Variants in CTSB observed in about 807,000 individuals in gnomAD.
The protein encoded by CTSB is APP secretase.
CTSB carries 57 observed loss-of-function variants against 44.3 expected under a neutral mutation model. The ratio of observed to expected loss-of-function variants is 1.29; its 90% CI spans 1.04 to 1.60. The LOEUF (loss-of-function observed/expected upper bound fraction) is 1.60, where lower values mean the gene tolerates loss of function less well. CTSB is among the 40% of genes most tolerant of loss of function. CTSB has a pLI of 0.00. For missense variants in CTSB, 768 were observed against 443.0 expected, an observed-to-expected ratio of 1.73 and a Z score of -6.59; for synonymous variants, 320 against 168.0, an observed-to-expected ratio of 1.91 and a Z score of -7.00.
At chr8:11,866,604 C>A (rs1474368468) in intron 1 of CTSB, among the ~76,000 whole-genome samples, 1 of 152,156 alleles carries the variant, frequency 6.6e-6, no homozygotes, top group Non-Finnish European at 1.5e-5. Context: ...CTTGGCCAGG[C>A]ACCGTGACTC....
At chr8:11,853,173 G>C (rs1397357271) in intron 2 of CTSB, among the ~76,000 whole-genome samples, 156 bp downstream of exon 2, 2 of 151,876 alleles carry the variant, frequency 1.3e-5, no homozygotes, top group South Asian at 4.2e-4. Context: ...GGGAGGCGTG[G>C]TCCAGAGCCG....
chr8:11,847,766 G>A lies in CTSB; in HGVS notation c.589C>T (p.Pro197Ser), dbSNP rs769238488. The change falls in exon 7 of 10, where the codon CCA becomes TCA. Residue 197 changes from proline (P) to serine (S), a missense_variant. Coordinates refer to ENST00000353047, the MANE Select transcript of CTSB (RefSeq NM_001908.5). ...CEHHVNGSRP[P>S]CTGEGDTPKC... is the part of the protein sequence containing the mutation. ...GGGGTATCTCCCTCCCCCGTGCATG[G>A]GGGCCGGGAGCCGTTGACGTGGTGC... The A allele has an allele frequency of 1.9e-6, 3 of 1,600,570 alleles. No individual in the cohort carries two copies. The highest frequency in any genetic ancestry group is 1.7e-6 in the Non-Finnish European group (2 of 1,176,080).
chr8:11,846,761 CCA>C (rs1311672557), intron 8 of CTSB, among the ~76,000 whole-genome samples: 1 of 152,204 alleles, frequency 6.6e-6, no homozygotes, highest in East Asian at 1.9e-4. Context: ...GGGGGCGTTC[CCA>C]CAGAGAACAT....
chr8:11,866,071 A>G (rs1016529853), intron 1 of CTSB, among the ~76,000 whole-genome samples: 40 of 152,038 alleles, frequency 2.6e-4, no homozygotes, highest in Non-Finnish European at 5.0e-4. Context: ...AAAATCACTG[A>G]CAGACATCCC....
chr8:11,863,450 TCC>T (rs1816701967), intron 1 of CTSB, among the ~76,000 whole-genome samples: 1 of 150,644 alleles, frequency 6.6e-6, no homozygotes, highest in African/African-American at 2.4e-5. Context: ...ACAGTGAGAC[TCC>T]GTTTCAAAAA....
At chr8:11,848,267 A>T in intron 5 of CTSB, 115 bp from the exon 6 acceptor site, 1 of 880,430 alleles carries the variant, frequency 1.1e-6, no homozygotes, top group Non-Finnish European at 1.9e-6. Context: ...AGCTGCAGCA[A>T]GTGGTGCGAG....
intron 6 of CTSB, 26 bp from the exon 7 acceptor site, chr8:11,847,848 G>A (rs578192124): frequency 6.3e-7 from 1 of 1,580,008 alleles, no homozygotes; most frequent in South Asian, 1.2e-5. Flanking sequence ...AGAAAGCGGA[G>A]TCAACCTACA....
In CTSB at chr8:11,843,464, G is replaced by T. The variant is rs539695243; in HGVS notation, c.*1661C>A. ...TGGCAGGACAGTGGAATGATTGCTG[G>T]TTCTTCTAGTTTGCTCTATACCAAG... On this transcript the variant is annotated 3_prime_UTR_variant, in exon 10 of 10. Transcript: ENST00000353047. 1 of 152,204 alleles carries T rather than the reference G, an allele frequency of 6.6e-6. No individual in the cohort carries two copies. Among genetic ancestry groups the T allele is most frequent in the Non-Finnish European group, 1.5e-5 (1 of 68,058 alleles). The allele number at this position is 152,204 out of a possible 1,614,324, so 9.4% of individuals were successfully genotyped here.
At chr8:11,862,945 C>G (rs139241844) in intron 1 of CTSB, among the ~76,000 whole-genome samples, 4 of 152,334 alleles carry the variant, frequency 2.6e-5, no homozygotes, top group Non-Finnish European at 5.9e-5. Flanking sequence ...AAAGAAGTTA[C>G]TGGCCTGGTA....
At chr8:11,865,702 A>G (rs542231026) in intron 1 of CTSB, 2 of 151,736 alleles carry the variant, frequency 1.3e-5, no homozygotes, top group East Asian at 3.9e-4. Context: ...ACCACAACTC[A>G]TTACCAGATT....
In CTSB at chr8:11,861,653, G is replaced by C. The variant is rs761586453; in HGVS notation, c.-26+6348C>G. Among the ~76,000 whole-genome samples the C allele has an allele frequency of 6.6e-5, 10 of 152,224 alleles. No individual in the cohort carries two copies. In the East Asian group the frequency reaches 1.3e-3, roughly 20 times the overall value. On this transcript the variant is annotated intron_variant, in intron 1 of 9. Coordinates refer to ENST00000353047, the MANE Select transcript of CTSB (RefSeq NM_001908.5). ...GTCAATATTCTGGAAAGTTCTGAAAGCTTTTACTCCCCATTTCTGTTACTG... is the reference window on the plus strand; with the variant it reads ...GTCAATATTCTGGAAAGTTCTGAAACCTTTTACTCCCCATTTCTGTTACTG...
intron 1 of CTSB, among the ~76,000 whole-genome samples, chr8:11,863,919 C>T (rs1816758544): frequency 6.6e-6 from 1 of 152,140 alleles, no homozygotes; most frequent in Non-Finnish European, 1.5e-5. Context: ...ACAAACTCTC[C>T]CACATGTGCC....
At chr8:11,854,523 T>C (rs945120142) in intron 1 of CTSB, among the ~76,000 whole-genome samples, 7 of 151,850 alleles carry the variant, frequency 4.6e-5, no homozygotes. Context: ...GGTCTTGGTC[T>C]GTGGGCCATG....
At chr8:11,864,651 G>A (rs1816866860) in intron 1 of CTSB, among the ~76,000 whole-genome samples, 1 of 152,152 alleles carries the variant, frequency 6.6e-6, no homozygotes, top group African/African-American at 2.4e-5. Context: ...CTAAAAAAGA[G>A]ATTAGTTAAA....
intron 2 of CTSB, among the ~76,000 whole-genome samples, 180 bp from the exon 3 acceptor site, chr8:11,852,875 CT>C (rs1366002906): frequency 2.2e-4 from 33 of 152,302 alleles, no homozygotes; most frequent in Admixed American, 1.6e-3. Flanking sequence ...GGTGTCTCCC[CT>C]GATCTGCTCC....
At chr8:11,849,514 C>T (rs541597686) in intron 4 of CTSB, 2 of 178,408 alleles carry the variant, frequency 1.1e-5, no homozygotes, top group East Asian at 2.8e-4. Context: ...GAACCTCTGC[C>T]TGGAAACTGG....
intron 1 of CTSB, among the ~76,000 whole-genome samples, chr8:11,865,297 C>T (rs145958781): frequency 0.011 from 1,613 of 152,270 alleles, 28 homozygotes; most frequent in African/African-American, 0.037. Context: ...GTAATCCCAG[C>T]GCTTTGGGAG....
rs562102253 is a variant in CTSB at position 11,853,410 on chromosome 8, G to C, written c.45C>G (p.Ala15=). 1 of 1,612,728 alleles carries C rather than the reference G, an allele frequency of 6.2e-7. No homozygotes were observed. ...GGAAAGAGGGCCTGCTCCGGGCATT[G>C]GCCAACACCAGCAGGCAGCAGAGGG... ...WASLCCLLVL[A]NARSRPSFHP... is the part of the protein sequence containing the mutation. Residue 15 remains alanine (A), a synonymous_variant, in exon 2 of 10, where the codon GCC becomes GCG. Coordinates refer to ENST00000353047, the MANE Select transcript of CTSB (RefSeq NM_001908.5).
At chr8:11,851,095 A>G in intron 3 of CTSB, 115 bp from the exon 4 acceptor site, 2 of 565,790 alleles carry the variant, frequency 3.5e-6, no homozygotes, top group Non-Finnish European at 6.4e-6. Flanking sequence ...AGCACAAGAC[A>G]TGCCGAAGAA....
Sources: gnomAD v4.1 joint callset for allele counts (sites outside exome capture counted in the v4.1 genomes callset) on GRCh38, gnomAD v4.1.1 for gene constraint, MANE v1.5 for transcripts, NCBI Gene and HGNC (gene_info 2026-07-23, HGNC 2026-07-21) for gene names.